SEC14L5: variants seen among roughly 807,000 people sequenced by gnomAD.
SEC14L5 encodes SEC14-like protein 5.
In SEC14L5, 96 loss-of-function variants were observed where a neutral mutation model predicts 84.6. The ratio of observed to expected loss-of-function variants is 1.13; its 90% CI spans 0.96 to 1.34. The LOEUF (loss-of-function observed/expected upper bound fraction) is 1.34. Among genes scored for constraint, SEC14L5 ranks in the 40% most tolerant of loss-of-function variants. The pLI, the probability that SEC14L5 is intolerant of heterozygous loss-of-function variation, is 0.00. For synonymous variants in SEC14L5, 546 were observed against 383.4 expected (o/e 1.42, Z -4.95); for missense variants, 1,224 against 942.5 (o/e 1.30, Z -3.91).
rs1955905986 is a variant in SEC14L5 at position 5,019,122 on chromosome 16, T to A, written c.*4152T>A. 6.6e-6 allele frequency: 1 copy of A among 152,266 alleles called. No homozygotes were observed. Among genetic ancestry groups the A allele is most frequent in the African/African-American group, 2.4e-5 (1 of 41,464 alleles). The allele number at this position is 152,266 out of a possible 1,614,324, so 9.4% of individuals were successfully genotyped here. ...CGGCCCCGGACTGCTTTGAATGTGC[T>A]CCAACACGAGTTCGTAAACTTTCTT... On this transcript the variant is annotated 3_prime_UTR_variant, in exon 16 of 16. Transcript: ENST00000251170.
chr16:4,969,065 C>T (rs768749853), intron 2 of SEC14L5, among the ~76,000 whole-genome samples: 67 of 152,250 alleles, frequency 4.4e-4, no homozygotes, highest in Non-Finnish European at 8.1e-4. Context: ...AATTAGCTCC[C>T]TGGAGCCTGT....
intron 10 of SEC14L5, among the ~76,000 whole-genome samples, chr16:5,001,927 C>G (rs998558260): frequency 6.6e-6 from 1 of 152,088 alleles, no homozygotes; most frequent in South Asian, 2.1e-4. Context: ...TGTGCACCAC[C>G]TTGCCCAGCT....
intron 2 of SEC14L5, among the ~76,000 whole-genome samples, chr16:4,978,540 A>G (rs1955377550): frequency 7.0e-6 from 1 of 143,742 alleles, no homozygotes. Flanking sequence ...TGCCTCAGCC[A>G]CCTGAGTAGC....
At chr16:4,966,075 T>C (rs1568102674) in intron 2 of SEC14L5, among the ~76,000 whole-genome samples, 1 of 152,076 alleles carries the variant, frequency 6.6e-6, no homozygotes, top group African/African-American at 2.4e-5. Flanking sequence ...TTAAAAATGT[T>C]AAAAATATTT....
rs1955093156 is a variant in SEC14L5 at position 4,959,519 on chromosome 16, G to C, written c.63+133G>C. On this transcript the variant is annotated intron_variant, in intron 2 of 15. Coordinates refer to ENST00000251170, the MANE Select transcript of SEC14L5 (RefSeq NM_014692.2). ...TAGTGAGTTACTCAGCTGACCTGGT[G>C]GGTTTAACTTCTATCCAGTGACCTC... The C allele has an allele frequency of 9.1e-6, 7 of 769,622 alleles. No individual in the cohort carries two copies. In the Admixed American group the frequency reaches 1.4e-4, roughly 16 times the overall value. 47.7% of individuals were successfully genotyped at this position (769,622 alleles called of 1,614,324 possible).
intron 2 of SEC14L5, among the ~76,000 whole-genome samples, chr16:4,978,141 G>A (rs1327867213): frequency 8.6e-5 from 10 of 115,710 alleles, no homozygotes; most frequent in South Asian, 3.5e-4. Context: ...TTGGCCGGGC[G>A]CGGTGGCTCA....
At chr16:5,005,202 C>T (rs1460979609) in intron 11 of SEC14L5, among the ~76,000 whole-genome samples, 1 of 152,086 alleles carries the variant, frequency 6.6e-6, no homozygotes, top group African/African-American at 2.4e-5. Context: ...GTAATCCCAG[C>T]TACTTGGGAG....
chr16:4,998,255 C>T (rs1955634777), intron 8 of SEC14L5, among the ~76,000 whole-genome samples: 1 of 151,508 alleles, frequency 6.6e-6, no homozygotes. Flanking sequence ...GATCCGCCCG[C>T]CTTGGCCTCC....
intron 2 of SEC14L5, among the ~76,000 whole-genome samples, chr16:4,985,554 A>T (rs1037856179): frequency 2.0e-5 from 3 of 152,100 alleles, no homozygotes; most frequent in Admixed American, 6.6e-5. Context: ...GCATGTGTAT[A>T]TCCAATTGTC....
rs571718452 is a variant in SEC14L5 at position 4,973,691 on chromosome 16, T to C, written c.64-13866T>C. 7.3e-5 allele frequency among the ~76,000 whole-genome samples: 11 copies of C among 150,500 alleles called. No homozygotes were observed. The South Asian group carries it at 1.9e-3, about 26-fold the overall frequency. ...TTTTTTCTCTGTCTCTTTTTTTTTT[T>C]TTTTTTTTTGAGACAGAGCCTTGCT... is the stretch of plus-strand genomic sequence containing the variant. On this transcript the variant is annotated intron_variant, in intron 2 of 15. Transcript: ENST00000251170.
At chr16:5,014,090 T>C (rs75832639) in intron 15 of SEC14L5, among the ~76,000 whole-genome samples, 2,301 of 152,320 alleles carry the variant, frequency 0.015, 52 homozygotes, top group African/African-American at 0.053. Flanking sequence ...CTGTCCTATC[T>C]GGTCGCTGCT....
chr16:4,969,389 TC>T (rs2142479470), intron 2 of SEC14L5, among the ~76,000 whole-genome samples: 1 of 152,206 alleles, frequency 6.6e-6, no homozygotes, highest in East Asian at 1.9e-4. Flanking sequence ...TCTAGTACTT[TC>T]TTTTTTTTTT....
chr16:4,973,680 C>CTT (rs34324146), intron 2 of SEC14L5, among the ~76,000 whole-genome samples: 37 of 127,084 alleles, frequency 2.9e-4, no homozygotes, highest in Admixed American at 8.8e-4. Flanking sequence ...TTCTCTGTCT[C>CTT]TTTTTTTTTT....
intron 15 of SEC14L5, among the ~76,000 whole-genome samples, chr16:5,013,930 C>T (rs912488301): frequency 1.3e-5 from 2 of 152,228 alleles, no homozygotes; most frequent in East Asian, 3.9e-4. Flanking sequence ...TGGCCTCAAG[C>T]GATCCCCCTG....
chr16:4,990,599 G>A (rs754816561), intron 4 of SEC14L5, among the ~76,000 whole-genome samples, 168 bp from the exon 5 acceptor site: 3 of 152,318 alleles, frequency 2.0e-5, no homozygotes, highest in Admixed American at 6.5e-5. Flanking sequence ...ACTTTGCATC[G>A]TTCTCTGGGT....
rs1323035700 is a variant in SEC14L5, at chr16:4,996,452, A to C, written c.772A>C (p.Lys258Gln). 1 of 1,560,234 alleles carries C rather than the reference A, an allele frequency of 6.4e-7. No homozygotes were observed. Among genetic ancestry groups the C allele is most frequent in the Admixed American group, 1.9e-5 (1 of 52,828 alleles). ...TCGGCACTGGTTACAGGAGACCCAC[A>C]AAGGCAAGGTGGGTGCAGGGGGTAC... ...QLRHWLQETH[K>Q]GKIPKDEHIL... Residue 258 changes from lysine to glutamine, a missense_variant, in exon 7 of 16, where the codon AAA becomes CAA. Coordinates refer to ENST00000251170, the MANE Select transcript of SEC14L5 (RefSeq NM_014692.2).
At chr16:4,996,741 T>C in intron 7 of SEC14L5, 114 bp from the exon 8 acceptor site, 1 of 814,144 alleles carries the variant, frequency 1.2e-6, no homozygotes, top group East Asian at 2.7e-5. Context: ...CTGGCTAATT[T>C]CTGTACTTTT....
chr16:5,004,288 G>A (rs113847888), intron 11 of SEC14L5, among the ~76,000 whole-genome samples: 4 of 152,278 alleles, frequency 2.6e-5, no homozygotes, highest in African/African-American at 9.6e-5. Context: ...GTTCAGGTGA[G>A]GCTAGGGGGC....
intron 6 of SEC14L5, among the ~76,000 whole-genome samples, chr16:4,995,737 C>G (rs1955601763): frequency 6.6e-6 from 1 of 151,612 alleles, no homozygotes; most frequent in Non-Finnish European, 1.5e-5. Flanking sequence ...AGCGATTCTC[C>G]TGACTCAGCC....
Sources: allele counts gnomAD v4.1 joint callset (sites outside exome capture counted in the v4.1 genomes callset), GRCh38; gene constraint gnomAD v4.1.1; transcripts MANE v1.5; gene names NCBI Gene and HGNC (gene_info 2026-07-23, HGNC 2026-07-21).